WDR45B: variants seen among roughly 807,000 people sequenced by gnomAD.
WDR45B encodes WD repeat domain phosphoinositide-interacting protein 3.
Under a neutral mutation model 44.6 loss-of-function variants are expected in WDR45B, and 20 were observed. The ratio of observed to expected loss-of-function variants is 0.45; its 90% CI spans 0.32 to 0.65. WDR45B has a LOEUF of 0.65. WDR45B is among the 30% of genes least tolerant of loss of function. WDR45B has a pLI of 0.05. For synonymous variants in WDR45B, 169 were observed against 164.9 expected (o/e 1.02, Z -0.19); for missense variants, 323 against 430.2 (o/e 0.75, Z 2.20).
chr17:82,629,032 T>TAA (rs986100992), intron 3 of WDR45B, among the ~76,000 whole-genome samples: 2 of 151,920 alleles, frequency 1.3e-5, no homozygotes, highest in African/African-American at 4.8e-5. Context: ...AGTTTACTAG[T>TAA]AAAAAAAAGT....
chr17:82,618,902 C>A, intron 7 of WDR45B, 141 bp downstream of exon 7: 1 of 746,404 alleles, frequency 1.3e-6, no homozygotes, highest in East Asian at 2.6e-5. Flanking sequence ...AAACCCAACC[C>A]CCTAGCAGCC....
At chr17:82,634,207 T>C (rs1598273217) in intron 2 of WDR45B, among the ~76,000 whole-genome samples, 1 of 113,336 alleles carries the variant, frequency 8.8e-6, no homozygotes, top group Non-Finnish European at 1.9e-5. Flanking sequence ...AGTTACCAAA[T>C]GACCAGATGC....
At chr17:82,616,330 G>T (rs191223323) in intron 9 of WDR45B, among the ~76,000 whole-genome samples, 194 bp downstream of exon 9, 1 of 152,256 alleles carries the variant, frequency 6.6e-6, no homozygotes, top group Non-Finnish European at 1.5e-5. Context: ...AGGGATGGGG[G>T]CTGAAGACAT....
intron 4 of WDR45B, 56 bp downstream of exon 4, chr17:82,627,148 G>A (rs2045708119): frequency 7.5e-7 from 1 of 1,341,950 alleles, no homozygotes; most frequent in Non-Finnish European, 1.1e-6. Context: ...AAGTATTTCA[G>A]CCATCTTTTG....
intron 5 of WDR45B, among the ~76,000 whole-genome samples, chr17:82,622,919 C>G (rs12944730): frequency 0.2 from 29,721 of 152,108 alleles, 3,210 homozygotes; most frequent in Middle Eastern, 0.26. Flanking sequence ...TAGATATCCA[C>G]ATAGAACAGA....
chr17:82,639,837 C>T (rs75238735), intron 2 of WDR45B, among the ~76,000 whole-genome samples: 89 of 85,640 alleles, frequency 1.0e-3, no homozygotes, highest in Admixed American at 2.6e-3. Context: ...GGAGGGCTGC[C>T]GGGCTGTGTG....
Position 82,644,007 on chromosome 17 carries a change from C to A in WDR45B, c.84G>T (p.Gly28=), listed in dbSNP as rs760949094. The change falls in exon 2 of 10, where the codon GGG becomes GGT. Residue 28 remains glycine, a synonymous_variant. Transcript: ENST00000392325. ...TATAGACTCGGAATCCATTTTCCAT[C>A]CCACACGCAAAGCATCCTAAAGCAG... ...FNQDHGCFAC[G]MENGFRVYNT... The A allele has an allele frequency of 6.4e-5, 104 of 1,613,954 alleles. No homozygotes were observed. The highest frequency in any genetic ancestry group is 1.4e-5 in the Non-Finnish European group (16 of 1,180,014).
At chr17:82,634,386 G>A (rs1284670327) in intron 2 of WDR45B, among the ~76,000 whole-genome samples, 1 of 152,002 alleles carries the variant, frequency 6.6e-6, no homozygotes, top group Middle Eastern at 3.4e-3. Flanking sequence ...TACTCGGGAG[G>A]CTGAGGCAGG....
intron 9 of WDR45B, 77 bp downstream of exon 9, chr17:82,616,447 G>A (rs2045536579): frequency 6.2e-7 from 1 of 1,609,552 alleles, no homozygotes; most frequent in Non-Finnish European, 8.5e-7. Flanking sequence ...ACGTCCATGG[G>A]AAGTTAGGTC....
At chr17:82,618,293 C>G (rs2045566572) in intron 7 of WDR45B, among the ~76,000 whole-genome samples, 1 of 152,228 alleles carries the variant, frequency 6.6e-6, no homozygotes, top group Non-Finnish European at 1.5e-5. Flanking sequence ...GGGGGAGGCA[C>G]CAGGCCTCCT....
intron 1 of WDR45B, among the ~76,000 whole-genome samples, chr17:82,645,404 T>C (rs545866390): frequency 2.6e-5 from 4 of 152,068 alleles, no homozygotes; most frequent in South Asian, 4.2e-4. Context: ...GCAAAAGACT[T>C]AGACATGTCA....
At chr17:82,624,644 A>T (rs1406443997) in intron 5 of WDR45B, among the ~76,000 whole-genome samples, 2 of 146,954 alleles carry the variant, frequency 1.4e-5, no homozygotes, top group Non-Finnish European at 3.0e-5. Context: ...TTTGAGATAG[A>T]GTCTTGCTCT....
rs559883288 is a variant in WDR45B, at chr17:82,642,215, G to A, written c.142+1734C>T. On this transcript the variant is annotated intron_variant, in intron 2 of 9. Coordinates refer to ENST00000392325, the MANE Select transcript of WDR45B (RefSeq NM_019613.4). ...TAGGAACCAGGCTGCACAGCAGGAC[G>A]CAAGCAGCAGGCGAACAAGCATCCC... 5.3e-5 allele frequency among the ~76,000 whole-genome samples: 8 copies of A among 152,226 alleles called. No homozygotes were observed. The South Asian group carries it at 1.2e-3, about 24-fold the overall frequency.
Position 82,648,314 on chromosome 17 carries a change from G to A in WDR45B, c.27C>T (p.His9=), listed in dbSNP as rs11540879. 6.2e-7 allele frequency: 1 copy of A among 1,606,938 alleles called. No homozygotes were observed. Among genetic ancestry groups the A allele is most frequent in the Non-Finnish European group, 8.5e-7 (1 of 1,178,026 alleles). The change falls in exon 1 of 10, where the codon CAC becomes CAT. Residue 9 remains histidine (H), a synonymous_variant. Coordinates refer to ENST00000392325, the MANE Select transcript of WDR45B (RefSeq NM_019613.4). The part of the protein sequence containing the change: MNLLPCNP[H]GNGLLYAGFN... The stretch of plus-strand genomic sequence containing the variant: ...AGCCGGCGTAGAGCAGCCCGTTGCC[G>A]TGAGGGTTACACGGCAGGAGGTTCA...
intron 2 of WDR45B, among the ~76,000 whole-genome samples, chr17:82,640,446 G>T (rs1448498750): frequency 1.3e-5 from 2 of 151,648 alleles, no homozygotes; most frequent in African/African-American, 4.9e-5. Context: ...CGACTCCCTG[G>T]TTCAAGCAAT....
rs1361169287 is a variant in WDR45B, at chr17:82,617,590, C to G, written c.705-193G>C. ...ACCACAGGTTGAAGCCACAAAGCCA[C>G]AGCCACAATCCAGTGTATCACGGCA... On this transcript the variant is annotated intron_variant, in intron 7 of 9. Coordinates refer to ENST00000392325, the MANE Select transcript of WDR45B (RefSeq NM_019613.4). The G allele has an allele frequency of 6.2e-6, 4 of 642,480 alleles. No homozygotes were observed. In the African/African-American group the frequency reaches 7.2e-5, roughly 12 times the overall value. 39.8% of individuals were successfully genotyped at this position (642,480 alleles called of 1,614,324 possible).
At chr17:82,629,087 A>T (rs2045735874) in intron 3 of WDR45B, among the ~76,000 whole-genome samples, 1 of 152,208 alleles carries the variant, frequency 6.6e-6, no homozygotes, top group East Asian at 1.9e-4. Context: ...AAACCTGCTG[A>T]ATACTGCTTT....
At chr17:82,648,159 G>A in intron 1 of WDR45B, 115 bp downstream of exon 1, 1 of 1,226,372 alleles carries the variant, frequency 8.2e-7, no homozygotes, top group Non-Finnish European at 1.1e-6. Context: ...GCGGGGCCGG[G>A]GTCCCGGGTG....
At chr17:82,620,204 C>T (rs946553240) in intron 6 of WDR45B, among the ~76,000 whole-genome samples, 19 of 152,282 alleles carry the variant, frequency 1.2e-4, no homozygotes, top group Non-Finnish European at 2.2e-4. Context: ...GAGGCTGAGG[C>T]GGGTGGATCA....
Sources: allele counts gnomAD v4.1 joint callset (sites outside exome capture counted in the v4.1 genomes callset), GRCh38; gene constraint gnomAD v4.1.1; transcripts MANE v1.5; gene names NCBI Gene and HGNC (gene_info 2026-07-23, HGNC 2026-07-21).